Variants in CCSER2 observed in about 807,000 individuals in gnomAD.
The protein encoded by CCSER2 is serine-rich coiled-coil domain-containing protein 2.
A neutral mutation model predicts 92.3 loss-of-function variants in CCSER2; 46 were observed. The observed-to-expected ratio is 0.50, with a 90% CI of 0.39 to 0.64. CCSER2 has a LOEUF of 0.64. Ranked by LOEUF, CCSER2 falls within the 30% of genes least tolerant of loss-of-function variation. The pLI, the probability that CCSER2 is intolerant of heterozygous loss-of-function variation, is 0.00. For missense variants in CCSER2, 1,244 were observed against 1,238.9 expected (o/e 1.00, Z -0.06); for synonymous variants, 433 against 431.4 (o/e 1.00, Z -0.04).
chr10:84,470,007 T>A (rs1255268945), intron 7 of CCSER2, among the ~76,000 whole-genome samples: 2 of 149,524 alleles, frequency 1.3e-5, no homozygotes, highest in Admixed American at 6.9e-5. Flanking sequence ...TGCTTTTTTG[T>A]ATGTGATTTT....
At chr10:84,382,772 G>GT (rs2133219706) in intron 3 of CCSER2, among the ~76,000 whole-genome samples, 1 of 152,250 alleles carries the variant, frequency 6.6e-6, no homozygotes, top group East Asian at 1.9e-4. Context: ...CTTTATTTTT[G>GT]TTTTATCAGC....
chr10:84,492,102 ACT>A (rs571105501), intron 9 of CCSER2, among the ~76,000 whole-genome samples: 1 of 151,974 alleles, frequency 6.6e-6, no homozygotes, highest in African/African-American at 2.4e-5. Context: ...ACACAATGAA[ACT>A]CTGTCTCTAC....
intron 7 of CCSER2, among the ~76,000 whole-genome samples, chr10:84,467,604 A>G (rs1168601613): frequency 2.0e-5 from 3 of 151,964 alleles, no homozygotes; most frequent in East Asian, 3.9e-4. Context: ...AACTGAAGAA[A>G]CCTCAAGATC....
At chr10:84,506,755 A>G (rs1362754636) in intron 9 of CCSER2, among the ~76,000 whole-genome samples, 3 of 152,058 alleles carry the variant, frequency 2.0e-5, no homozygotes, top group Non-Finnish European at 4.4e-5. Flanking sequence ...AGATTGCACT[A>G]CTGCACTCCA....
intron 3 of CCSER2, among the ~76,000 whole-genome samples, chr10:84,399,053 A>AT (rs1841984010): frequency 6.6e-6 from 1 of 152,200 alleles, no homozygotes; most frequent in South Asian, 2.1e-4. Flanking sequence ...ATTTTTATAT[A>AT]TTTTGGGAAT....
rs759120096 is a variant in CCSER2 at position 84,373,666 on chromosome 10, C to T, written c.1465C>T (p.Pro489Ser). The change falls in exon 3 of 10, where the codon CCA becomes TCA. Residue 489 changes from proline (P) to serine (S), a missense_variant. By Grantham distance (74) the Pro-to-Ser change is moderately conservative (BLOSUM62 -1). Transcript: ENST00000372088. Reference sequence around the variant, plus strand: ...TACTTCTGGGAATAATTTGGTTTCACCAGATACAGACTACAGAGCTGGTTC... The same window carrying T: ...TACTTCTGGGAATAATTTGGTTTCATCAGATACAGACTACAGAGCTGGTTC... ...KHTSGNNLVS[P>S]DTDYRAGSSF... The T allele has an allele frequency of 2.1e-5, 34 of 1,613,306 alleles. No individual in the cohort carries two copies. The highest frequency in any genetic ancestry group is 2.8e-5 in the Non-Finnish European group (33 of 1,179,618).
At chr10:84,337,259 T>C (rs1175201831) in intron 1 of CCSER2, among the ~76,000 whole-genome samples, 1 of 152,176 alleles carries the variant, frequency 6.6e-6, no homozygotes, top group Non-Finnish European at 1.5e-5. Context: ...GATCCTGTAA[T>C]GTTTTCAGAG....
At chr10:84,513,086 TGTG>T (rs1849448396) in intron 9 of CCSER2, among the ~76,000 whole-genome samples, 1 of 152,206 alleles carries the variant, frequency 6.6e-6, no homozygotes, top group Admixed American at 6.5e-5. Flanking sequence ...CTGAATGTTT[TGTG>T]GAGGTTAAAC....
intron 3 of CCSER2, among the ~76,000 whole-genome samples, chr10:84,412,560 C>T (rs986917275): frequency 1.6e-4 from 25 of 151,846 alleles, no homozygotes; most frequent in Non-Finnish European, 8.8e-5. Context: ...AACAGCAGGT[C>T]GTGGGGGGAC....
chr10:84,349,245 A>G (rs573770098), intron 1 of CCSER2, among the ~76,000 whole-genome samples: 117 of 152,340 alleles, frequency 7.7e-4, no homozygotes, highest in Admixed American at 3.5e-3. Flanking sequence ...TTCCTGTCGC[A>G]GAAAATGACA....
intron 9 of CCSER2, among the ~76,000 whole-genome samples, chr10:84,496,997 A>G (rs1418416087): frequency 6.6e-6 from 1 of 152,146 alleles, no homozygotes; most frequent in Non-Finnish European, 1.5e-5. Context: ...TGCTGATCAG[A>G]GTATGTTATT....
intron 3 of CCSER2, among the ~76,000 whole-genome samples, chr10:84,416,275 A>T (rs1197009075): frequency 6.6e-6 from 1 of 152,068 alleles, no homozygotes; most frequent in Non-Finnish European, 1.5e-5. Context: ...CTGTTTGTCT[A>T]GTCAGTCCCA....
intron 1 of CCSER2, among the ~76,000 whole-genome samples, chr10:84,331,911 T>G (rs1258625532): frequency 6.6e-6 from 1 of 152,250 alleles, no homozygotes; most frequent in Non-Finnish European, 1.5e-5. Flanking sequence ...CAATGTCATT[T>G]CTTAATAATT....
At chr10:84,479,866 A>G (rs565451687) in intron 9 of CCSER2, among the ~76,000 whole-genome samples, 1 of 152,214 alleles carries the variant, frequency 6.6e-6, no homozygotes, top group East Asian at 1.9e-4. Flanking sequence ...GAAGGAATAG[A>G]GAAGAGAAAA....
intron 3 of CCSER2, chr10:84,390,838 A>T: frequency 1.8e-6 from 1 of 540,748 alleles, no homozygotes; most frequent in Non-Finnish European, 3.4e-6. Context: ...GATCTTGGAC[A>T]TCTTAATCTT....
chr10:84,442,771 G>A (rs1420212216), intron 6 of CCSER2, among the ~76,000 whole-genome samples: 1 of 152,140 alleles, frequency 6.6e-6, no homozygotes, highest in Non-Finnish European at 1.5e-5. Flanking sequence ...AAAACAGCAT[G>A]GTGCTGGTAC....
chr10:84,370,484 T>C (rs528805366), intron 1 of CCSER2, among the ~76,000 whole-genome samples: 2 of 152,242 alleles, frequency 1.3e-5, no homozygotes, highest in Admixed American at 6.5e-5. Context: ...CCTGTGACTT[T>C]ACTGGATTTA....
At chr10:84,382,532 A>G (rs1014298308) in intron 3 of CCSER2, among the ~76,000 whole-genome samples, 5 of 152,218 alleles carry the variant, frequency 3.3e-5, no homozygotes, top group African/African-American at 1.2e-4. Flanking sequence ...TTTCTCTTGT[A>G]AACACAGTGA....
intron 4 of CCSER2, chr10:84,424,932 G>C: frequency 7.3e-6 from 7 of 958,586 alleles, no homozygotes; most frequent in Non-Finnish European, 8.7e-6. Context: ...AGGAAGGCCT[G>C]TTCAGCAGTG....
Sources: gnomAD v4.1 joint callset for allele counts (sites outside exome capture counted in the v4.1 genomes callset) on GRCh38, gnomAD v4.1.1 for gene constraint, MANE v1.5 for transcripts, NCBI Gene and HGNC (gene_info 2026-07-23, HGNC 2026-07-21) for gene names.